NLGN4Y: variants seen among roughly 807,000 people sequenced by gnomAD.
NLGN4Y encodes neuroligin 4 Y-linked, also known as neuroligin-4, Y-linked.
A neutral mutation model predicts 8.4 loss-of-function variants in NLGN4Y; 4 were observed. That is an observed-to-expected ratio of 0.48 (90% CI 0.23 to 1.09). NLGN4Y has a LOEUF of 1.09. Ranked by LOEUF, NLGN4Y falls within the 50% of genes least tolerant of loss-of-function variation. The pLI is 0.19. For missense variants in NLGN4Y, 90 were observed against 192.3 expected (o/e 0.47, Z 3.15); for synonymous variants, 35 against 75.6 (o/e 0.46, Z 2.78).
At chrY:14,701,537 G>A (rs2150544125) in intron 2 of NLGN4Y, among the ~76,000 whole-genome samples, 1 of 33,223 alleles carries the variant, frequency 3.0e-5, no homozygotes, top group East Asian at 8.0e-4. Flanking sequence ...GGTCTCCCTA[G>A]GCTGAAATCA....
chrY:14,592,843 C>T (rs893744274), intron 1 of NLGN4Y, among the ~76,000 whole-genome samples: 1 of 33,102 alleles, frequency 3.0e-5, no homozygotes, highest in Non-Finnish European at 7.4e-5. Flanking sequence ...GAGAAAAGGT[C>T]GCCCATACAG....
At chrY:14,710,178 G>A (rs985655186) in intron 2 of NLGN4Y, among the ~76,000 whole-genome samples, 8 of 33,776 alleles carry the variant, frequency 2.4e-4, no homozygotes, top group African/African-American at 4.6e-4. Flanking sequence ...TCCTCACTGT[G>A]AGATGATATT....
At chrY:14,583,494 T>C in intron 1 of NLGN4Y, among the ~76,000 whole-genome samples, 1 of 33,670 alleles carries the variant, frequency 3.0e-5, no homozygotes, top group Admixed American at 2.7e-4. Context: ...TTTCCTGGAC[T>C]TGAGACATAA....
chrY:14,531,708 T>C (rs2080115732), intron 1 of NLGN4Y, among the ~76,000 whole-genome samples: 1 of 30,546 alleles, frequency 3.3e-5, no homozygotes, highest in African/African-American at 1.2e-4. Context: ...TTATATATTG[T>C]GTAATAAATA....
intron 4 of NLGN4Y, among the ~76,000 whole-genome samples, chrY:14,817,735 G>A (rs2043107647): frequency 3.0e-5 from 1 of 33,264 alleles, no homozygotes; most frequent in African/African-American, 1.2e-4. Context: ...GTCCATGTAA[G>A]TTGGGATGTG....
intron 4 of NLGN4Y, among the ~76,000 whole-genome samples, chrY:14,729,260 A>G (rs2080964337): frequency 6.0e-5 from 2 of 33,551 alleles, no homozygotes; most frequent in Non-Finnish European, 1.5e-4. Flanking sequence ...ATGATAGACC[A>G]CATTCTATTA....
intron 4 of NLGN4Y, among the ~76,000 whole-genome samples, chrY:14,809,078 C>A (rs2043068084): frequency 8.8e-5 from 3 of 33,911 alleles, no homozygotes; most frequent in Admixed American, 2.7e-4. Flanking sequence ...AAATTGTGAA[C>A]AAAATATAAA....
At chrY:14,791,867 T>C in intron 4 of NLGN4Y, among the ~76,000 whole-genome samples, 1 of 33,191 alleles carries the variant, frequency 3.0e-5, no homozygotes, top group African/African-American at 1.2e-4. Flanking sequence ...TATTCTGAAC[T>C]TGGGGATTTG....
intron 1 of NLGN4Y, among the ~76,000 whole-genome samples, chrY:14,532,062 C>T: frequency 6.2e-5 from 2 of 32,200 alleles, no homozygotes; most frequent in Non-Finnish European, 1.5e-4. Context: ...CACATCATGG[C>T]ACTCTGTGAA....
chrY:14,635,602 A>ATTTAT (rs2150513244), intron 2 of NLGN4Y, among the ~76,000 whole-genome samples: 1 of 22,209 alleles, frequency 4.5e-5, no homozygotes, highest in South Asian at 9.6e-4. Context: ...TTATTTATTT[A>ATTTAT]TTTTTTGAGA....
intron 4 of NLGN4Y, among the ~76,000 whole-genome samples, chrY:14,756,475 C>T (rs868269595): frequency 1.6e-4 from 5 of 31,565 alleles, no homozygotes; most frequent in East Asian, 1.6e-3. Context: ...TGGGTGGCTA[C>T]GGTGGCTCAA....
intron 2 of NLGN4Y, among the ~76,000 whole-genome samples, chrY:14,637,100 A>G: frequency 3.0e-5 from 1 of 33,018 alleles, no homozygotes; most frequent in Non-Finnish European, 7.4e-5. Flanking sequence ...GAGGGATATA[A>G]TTAGGAGAAA....
At chrY:14,686,384 C>T in intron 2 of NLGN4Y, among the ~76,000 whole-genome samples, 1 of 33,041 alleles carries the variant, frequency 3.0e-5, no homozygotes, top group African/African-American at 1.2e-4. Context: ...ACATCTGACA[C>T]AACCTTCAGC....
chrY:14,622,886 G>T (rs2080516268), intron 2 of NLGN4Y, among the ~76,000 whole-genome samples: 1 of 32,842 alleles, frequency 3.0e-5, no homozygotes, highest in Non-Finnish European at 7.5e-5. Context: ...TGAGCATATA[G>T]TGTTGCATGT....
intron 2 of NLGN4Y, among the ~76,000 whole-genome samples, chrY:14,672,223 C>T: frequency 6.1e-5 from 2 of 32,885 alleles, no homozygotes; most frequent in African/African-American, 1.2e-4. Context: ...AGGGCAGCCA[C>T]AACACATGAA....
intron 1 of NLGN4Y, among the ~76,000 whole-genome samples, chrY:14,534,123 G>T: frequency 3.0e-5 from 1 of 33,140 alleles, no homozygotes; most frequent in Non-Finnish European, 7.4e-5. Context: ...TAATGGGATG[G>T]CTGAGTCATA....
intron 2 of NLGN4Y, among the ~76,000 whole-genome samples, chrY:14,697,522 A>G (rs2080834260): frequency 8.9e-4 from 27 of 30,305 alleles, no homozygotes; most frequent in Non-Finnish European, 2.0e-3. Flanking sequence ...AGATAGATAG[A>G]TAGATAGATA....
chrY:14,754,967 T>C (rs2081052290), intron 4 of NLGN4Y, among the ~76,000 whole-genome samples: 1 of 33,475 alleles, frequency 3.0e-5, no homozygotes, highest in South Asian at 6.6e-4. Flanking sequence ...ATGTCTAATA[T>C]CTCAGACTGT....
chrY:14,682,627 A>C, intron 2 of NLGN4Y, among the ~76,000 whole-genome samples: 1 of 33,422 alleles, frequency 3.0e-5, no homozygotes, highest in South Asian at 6.5e-4. Flanking sequence ...AATATAGAAA[A>C]TAACTCCTAT....
Sources: allele counts gnomAD v4.1 joint callset (sites outside exome capture counted in the v4.1 genomes callset), GRCh38; gene constraint gnomAD v4.1.1; transcripts MANE v1.5; gene names NCBI Gene and HGNC (gene_info 2026-07-23, HGNC 2026-07-21).